RAB1A: variants seen among roughly 807,000 people sequenced by gnomAD.
RAB1A encodes RAB1A, member RAS oncogene family.
A neutral mutation model predicts 26.0 loss-of-function variants in RAB1A; 2 were observed. That is an observed-to-expected ratio of 0.08 (90% CI 0.03 to 0.24). The LOEUF (loss-of-function observed/expected upper bound fraction) is 0.24. RAB1A is among the 10% of genes least tolerant of loss of function. The pLI is 1.00. For synonymous variants in RAB1A, 84 were observed against 84.9 expected (o/e 0.99, Z 0.06); for missense variants, 100 against 247.0 (o/e 0.40, Z 3.99).
At chr2:65,108,719 T>A (rs1399287753) in intron 1 of RAB1A, among the ~76,000 whole-genome samples, 1 of 152,098 alleles carries the variant, frequency 6.6e-6, no homozygotes, top group Non-Finnish European at 1.5e-5. Flanking sequence ...GGCAGGAGAA[T>A]CACTTGAACC....
At chr2:65,121,425 C>T (rs1669962685) in intron 1 of RAB1A, among the ~76,000 whole-genome samples, 1 of 152,078 alleles carries the variant, frequency 6.6e-6, no homozygotes, top group Non-Finnish European at 1.5e-5. Flanking sequence ...TAACTGGAAC[C>T]TATCACAACC....
chr2:65,104,995 A>C, intron 1 of RAB1A, 189 bp from the exon 2 acceptor site: 1 of 694,118 alleles, frequency 1.4e-6, no homozygotes. Flanking sequence ...AACATGATAA[A>C]ATTATGTAAA....
chr2:65,118,169 T>TGA (rs1182313650), intron 1 of RAB1A, among the ~76,000 whole-genome samples: 214 of 152,338 alleles, frequency 1.4e-3, no homozygotes, highest in African/African-American at 4.8e-3. Context: ...TCTGGAGTCC[T>TGA]TCTGGGAGCT....
intron 1 of RAB1A, chr2:65,106,493 C>T (rs944313768): frequency 8.6e-6 from 2 of 231,568 alleles, no homozygotes; most frequent in Non-Finnish European, 1.8e-5. Flanking sequence ...CGTAGGTTTA[C>T]ATAATGATAT....
At chr2:65,105,730 C>T (rs987478714) in intron 1 of RAB1A, among the ~76,000 whole-genome samples, 1 of 151,820 alleles carries the variant, frequency 6.6e-6, no homozygotes, top group African/African-American at 2.4e-5. Context: ...ACACTCTACA[C>T]TTGTATTAAA....
At chr2:65,101,371 C>T (rs1201076433) in intron 2 of RAB1A, among the ~76,000 whole-genome samples, 1 of 152,154 alleles carries the variant, frequency 6.6e-6, no homozygotes, top group African/African-American at 2.4e-5. Flanking sequence ...ACTCCTCAGC[C>T]AATAGATTCT....
intron 2 of RAB1A, among the ~76,000 whole-genome samples, chr2:65,103,797 T>TG (rs1669491668): frequency 6.6e-6 from 1 of 152,056 alleles, no homozygotes; most frequent in East Asian, 1.9e-4. Context: ...TTCTTTTTTT[T>TG]TTGAGACAGT....
intron 1 of RAB1A, among the ~76,000 whole-genome samples, chr2:65,122,693 C>A (rs974916971): frequency 6.6e-6 from 1 of 151,970 alleles, no homozygotes; most frequent in Non-Finnish European, 1.5e-5. Context: ...GAAAGCTATT[C>A]TGGCCAGACG....
intron 1 of RAB1A, among the ~76,000 whole-genome samples, chr2:65,128,335 G>A (rs2103893621): frequency 6.6e-6 from 1 of 152,062 alleles, no homozygotes; most frequent in African/African-American, 2.4e-5. Flanking sequence ...GAACAGTAGA[G>A]GTCTATAAAC....
chr2:65,123,347 T>A (rs1670017681), intron 1 of RAB1A, among the ~76,000 whole-genome samples: 1 of 151,662 alleles, frequency 6.6e-6, no homozygotes, highest in South Asian at 2.1e-4. Context: ...ATTTTTTGTA[T>A]TTTTAGTAGA....
intron 1 of RAB1A, chr2:65,106,329 T>C (rs1201429034): frequency 3.4e-6 from 1 of 289,872 alleles, no homozygotes; most frequent in Non-Finnish European, 6.9e-6. Flanking sequence ...CTTTCAAAAA[T>C]ATGCTAAAGT....
chr2:65,092,877 T>G (rs528716692), intron 3 of RAB1A, among the ~76,000 whole-genome samples: 1 of 152,208 alleles, frequency 6.6e-6, no homozygotes, highest in South Asian at 2.1e-4. Context: ...CCCATTCAAG[T>G]GATAGTGAAT....
intron 3 of RAB1A, among the ~76,000 whole-genome samples, chr2:65,091,349 T>C (rs1669166576): frequency 6.6e-6 from 1 of 152,174 alleles, no homozygotes; most frequent in South Asian, 2.1e-4. Flanking sequence ...CTTTTCACAT[T>C]CCCTACCGCC....
intron 1 of RAB1A, among the ~76,000 whole-genome samples, chr2:65,119,372 T>C (rs1669900261): frequency 6.6e-6 from 1 of 151,540 alleles, no homozygotes; most frequent in African/African-American, 2.4e-5. Flanking sequence ...CCGGGCATGG[T>C]GGTGGGTGCT....
At chr2:65,126,053 A>T (rs1670094087) in intron 1 of RAB1A, among the ~76,000 whole-genome samples, 1 of 151,742 alleles carries the variant, frequency 6.6e-6, no homozygotes, top group Admixed American at 6.6e-5. Flanking sequence ...CTGTATTAGT[A>T]GAGATAGGGT....
intron 1 of RAB1A, among the ~76,000 whole-genome samples, chr2:65,123,703 G>A (rs1670026111): frequency 1.3e-5 from 2 of 151,906 alleles, no homozygotes; most frequent in East Asian, 2.0e-4. Context: ...GCACACACCT[G>A]TACTCCCAGC....
At chr2:65,121,662 A>T (rs920752094) in intron 1 of RAB1A, among the ~76,000 whole-genome samples, 6 of 152,318 alleles carry the variant, frequency 3.9e-5, no homozygotes, top group African/African-American at 1.4e-4. Flanking sequence ...GTGGTTCCAA[A>T]GAAAGGCCAA....
chr2:65,090,914 G>T (rs1669158227), intron 4 of RAB1A, 69 bp downstream of exon 4: 1 of 1,045,236 alleles, frequency 9.6e-7, no homozygotes, highest in Non-Finnish European at 1.4e-6. Flanking sequence ...AGTAGTAAAT[G>T]AATCTGACAT....
intron 2 of RAB1A, among the ~76,000 whole-genome samples, chr2:65,100,338 T>C (rs927567217): frequency 1.4e-5 from 2 of 146,730 alleles, no homozygotes; most frequent in African/African-American, 5.1e-5. Context: ...GAGGTGAAGG[T>C]TGCAGTGAGC....
Sources: allele counts gnomAD v4.1 joint callset (sites outside exome capture counted in the v4.1 genomes callset), GRCh38; gene constraint gnomAD v4.1.1; transcripts MANE v1.5; gene names NCBI Gene and HGNC (gene_info 2026-07-23, HGNC 2026-07-21).